Variants in SKIL observed in about 807,000 individuals in gnomAD.
SKIL encodes SKI like proto-oncogene.
In SKIL, 20 loss-of-function variants were observed where a neutral mutation model predicts 69.6. That is an observed-to-expected ratio of 0.29 (90% CI 0.20 to 0.42). SKIL has a LOEUF of 0.42. SKIL is among the 10% of genes least tolerant of loss of function. The pLI is 1.00. For synonymous variants in SKIL, 310 were observed against 279.9 expected (o/e 1.11, Z -1.08); for missense variants, 745 against 783.1 (o/e 0.95, Z 0.58).
rs1738033800 is a variant in SKIL at position 170,393,568 on chromosome 3, C to T, written c.*1151C>T. 1 of 152,082 alleles carries T rather than the reference C, an allele frequency of 6.6e-6. No individual in the cohort carries two copies. The highest frequency in any genetic ancestry group is 6.5e-5 in the Admixed American group (1 of 15,268). 9.4% of individuals were successfully genotyped at this position (152,082 alleles called of 1,614,324 possible). On this transcript the variant is annotated 3_prime_UTR_variant, in exon 7 of 7. Coordinates refer to ENST00000259119, the MANE Select transcript of SKIL (RefSeq NM_005414.5). ...AATTCCATAGTTTCAGGAGGGACAACATCTTCTGCACTTTTTTTTTGCACA... is the reference window on the plus strand; with the variant it reads ...AATTCCATAGTTTCAGGAGGGACAATATCTTCTGCACTTTTTTTTTGCACA...
intron 4 of SKIL, among the ~76,000 whole-genome samples, chr3:170,385,699 C>T (rs1470160561): frequency 6.6e-6 from 1 of 151,404 alleles, no homozygotes; most frequent in Non-Finnish European, 1.5e-5. Flanking sequence ...GGCAGTGTGA[C>T]AGTTACTTTA....
intron 4 of SKIL, among the ~76,000 whole-genome samples, chr3:170,386,232 G>A (rs931837919): frequency 1.3e-5 from 2 of 149,562 alleles, no homozygotes; most frequent in African/African-American, 2.5e-5. Flanking sequence ...CCAGGTTCAA[G>A]TGATTCTCCT....
In SKIL at chr3:170,360,720, T is replaced by C. The variant is rs768631779; in HGVS notation, c.389T>C (p.Leu130Pro). The C allele has an allele frequency of 6.2e-7, 1 of 1,614,230 alleles. No homozygotes were observed. Among genetic ancestry groups the C allele is most frequent in the Admixed American group, 1.7e-5 (1 of 60,024 alleles). Residue 130 changes from leucine to proline, a missense_variant, in exon 2 of 7, where the codon CTT (leucine) becomes CCT (proline). Leu to Pro is a moderately conservative substitution (Grantham distance 98, BLOSUM62 -3). Coordinates refer to ENST00000259119, the MANE Select transcript of SKIL (RefSeq NM_005414.5). Reference sequence around the variant, plus strand: ...CTGCCTCTTCCATCACCTCAGGTTCTTCCTGGCCCATTGCTCATCCCTTCA... The same window carrying C: ...CTGCCTCTTCCATCACCTCAGGTTCCTCCTGGCCCATTGCTCATCCCTTCA... Reference protein sequence around the residue: ...VFLPLPSPQVLPGPLLIPSDS... With the variant: ...VFLPLPSPQVPPGPLLIPSDS...
At chr3:170,367,318 G>A (rs1736579783) in intron 2 of SKIL, among the ~76,000 whole-genome samples, 1 of 152,030 alleles carries the variant, frequency 6.6e-6, no homozygotes, top group African/African-American at 2.4e-5. Flanking sequence ...CACCGTGTTA[G>A]CCAGGATGGT....
intron 1 of SKIL, among the ~76,000 whole-genome samples, chr3:170,358,127 G>C (rs911273167): frequency 2.0e-4 from 30 of 152,160 alleles, no homozygotes; most frequent in Non-Finnish European, 5.9e-5. Context: ...CCCTGGTCTC[G>C]ACCCGGTCCG....
intron 4 of SKIL, among the ~76,000 whole-genome samples, chr3:170,386,537 A>G (rs550614522): frequency 6.6e-6 from 1 of 152,230 alleles, no homozygotes; most frequent in South Asian, 2.1e-4. Flanking sequence ...TGATGCATTC[A>G]TAGCTCACCG....
At chr3:170,368,771 A>G (rs932924871) in intron 2 of SKIL, among the ~76,000 whole-genome samples, 3 of 152,214 alleles carry the variant, frequency 2.0e-5, no homozygotes, top group African/African-American at 7.2e-5. Context: ...TACTAAAATG[A>G]AGTGTGCAAG....
chr3:170,391,824 ATTATATG>A (rs949939026), intron 6 of SKIL, among the ~76,000 whole-genome samples: 12 of 128,770 alleles, frequency 9.3e-5, no homozygotes, highest in Admixed American at 3.9e-4. Context: ...CCCTCTGAAT[ATTATATG>A]TTATATTATT....
chr3:170,380,655 A>AAAAT (rs1553854251), intron 2 of SKIL, among the ~76,000 whole-genome samples: 28 of 151,394 alleles, frequency 1.8e-4, no homozygotes, highest in South Asian at 8.3e-4. Context: ...AAAAAAAAAA[A>AAAAT]AAATAAATAA....
At position 170,361,385 on chromosome 3, in the gene SKIL, AAGG is replaced by A; in HGVS notation, c.1057_1059del (p.Glu353del). ...ACTGAAGATAATTTTAGAAGAAATG[AAGG>A]AGAAGTTTAGCATGAGAAGTGGAAA... On this transcript the variant is annotated inframe_deletion, in exon 2 of 7. Coordinates refer to ENST00000259119, the MANE Select transcript of SKIL (RefSeq NM_005414.5). 1.2e-5 allele frequency: 20 copies of A among 1,600,592 alleles called. No homozygotes were observed. The highest frequency in any genetic ancestry group is 1.7e-5 in the Non-Finnish European group (20 of 1,176,200).
At chr3:170,379,321 CTT>C (rs1560215583) in intron 2 of SKIL, among the ~76,000 whole-genome samples, 1 of 152,088 alleles carries the variant, frequency 6.6e-6, no homozygotes, top group African/African-American at 2.4e-5. Flanking sequence ...ATCCAGCTCT[CTT>C]TTTTGTTTTT....
At chr3:170,377,226 G>A (rs1490332230) in intron 2 of SKIL, among the ~76,000 whole-genome samples, 1 of 151,366 alleles carries the variant, frequency 6.6e-6, no homozygotes, top group Non-Finnish European at 1.5e-5. Context: ...AAAATGTGAT[G>A]TTTCGTTTTC....
intron 2 of SKIL, among the ~76,000 whole-genome samples, chr3:170,364,535 CT>C (rs1387578712): frequency 8.6e-5 from 13 of 151,094 alleles, no homozygotes; most frequent in African/African-American, 3.1e-4. Flanking sequence ...GCCTAGCCGG[CT>C]GGTCTTAACT....
chr3:170,385,607 A>C (rs1217626977), intron 4 of SKIL, among the ~76,000 whole-genome samples: 1 of 152,152 alleles, frequency 6.6e-6, no homozygotes, highest in Non-Finnish European at 1.5e-5. Context: ...GCCTTTTAAA[A>C]TACTGTGGAT....
intron 2 of SKIL, among the ~76,000 whole-genome samples, chr3:170,363,488 G>GA (rs1736340946): frequency 6.6e-6 from 1 of 151,806 alleles, no homozygotes; most frequent in Admixed American, 6.6e-5. Context: ...GTTATTAACT[G>GA]ATTTTTTTTT....
intron 4 of SKIL, among the ~76,000 whole-genome samples, chr3:170,386,739 G>T (rs1737653311): frequency 6.6e-6 from 1 of 152,012 alleles, no homozygotes; most frequent in African/African-American, 2.4e-5. Context: ...TAAAGCATTG[G>T]GATTACAGAT....
chr3:170,365,674 C>A (rs937189291), intron 2 of SKIL, among the ~76,000 whole-genome samples: 4 of 150,684 alleles, frequency 2.7e-5, no homozygotes, highest in African/African-American at 9.8e-5. Context: ...TTTTTATTTT[C>A]TTCTGTGAGT....
chr3:170,362,826 AC>A lies in SKIL; in HGVS notation c.1098+1398del, dbSNP rs976105552. Among the ~76,000 whole-genome samples the A allele has an allele frequency of 2.3e-4, 34 of 148,186 alleles. 1 individual carries two copies. The highest frequency in any genetic ancestry group is 3.4e-3 in the Middle Eastern group (1 of 290). ...TAAGACTCCATTTCAAAAAAAAAAA[AC>A]ACAACCACCTATCAGCCAAGGTATC... On this transcript the variant is annotated intron_variant, in intron 2 of 6. Coordinates refer to ENST00000259119, the MANE Select transcript of SKIL (RefSeq NM_005414.5).
chr3:170,364,412 CTCCCAGAT>C (rs577876814), intron 2 of SKIL, among the ~76,000 whole-genome samples: 3 of 146,426 alleles, frequency 2.0e-5, no homozygotes, highest in Non-Finnish European at 4.5e-5. Flanking sequence ...CAATCTCCAC[CTCCCAGAT>C]TCAAGTGATT....
Sources: allele counts gnomAD v4.1 joint callset (sites outside exome capture counted in the v4.1 genomes callset), GRCh38; gene constraint gnomAD v4.1.1; transcripts MANE v1.5; gene names NCBI Gene and HGNC (gene_info 2026-07-23, HGNC 2026-07-21).